Variants in CFAP61 observed in about 807,000 individuals in gnomAD.
CFAP61 encodes the protein cilia- and flagella-associated protein 61.
In CFAP61, 107 loss-of-function variants were observed where a neutral mutation model predicts 135.6. That is an observed-to-expected ratio of 0.79 (90% CI 0.67 to 0.93). The LOEUF is 0.93. Ranked by LOEUF, CFAP61 falls within the 40% of genes least tolerant of loss-of-function variation. CFAP61 has a pLI of 0.00. For synonymous variants in CFAP61, 575 were observed against 578.5 expected, an observed-to-expected ratio of 0.99 and a Z score of 0.09; for missense variants, 1,507 against 1,556.2, an observed-to-expected ratio of 0.97 and a Z score of 0.53.
chr20:20,312,575 A>T, intron 25 of CFAP61, among the ~76,000 whole-genome samples: 1 of 152,242 alleles, frequency 6.6e-6, no homozygotes, highest in Admixed American at 6.5e-5. Context: ...AATTTGATGA[A>T]AACTCACAAA....
chr20:20,076,209 G>A (rs984184830), intron 6 of CFAP61, among the ~76,000 whole-genome samples: 8 of 152,214 alleles, frequency 5.3e-5, no homozygotes, highest in Non-Finnish European at 2.9e-5. Flanking sequence ...GGTTGTGACT[G>A]CTTTGACCAG....
chr20:20,105,746 C>T (rs1026492684), intron 8 of CFAP61, among the ~76,000 whole-genome samples: 2 of 151,586 alleles, frequency 1.3e-5, no homozygotes, highest in Non-Finnish European at 2.9e-5. Flanking sequence ...ATTCTCCTGC[C>T]TCAGCCTCCC....
Position 20,087,162 on chromosome 20 carries a change from G to C in CFAP61, c.567-3682G>C, listed in dbSNP as rs1193899265. ...AATTTCAATTTTTATTTTAGATTTA[G>C]GGGGTACATGTGCAGGTTTGTTACC... is the stretch of plus-strand genomic sequence containing the variant. On this transcript the variant is annotated intron_variant, in intron 6 of 26. Transcript: ENST00000245957. 2.0e-5 allele frequency among the ~76,000 whole-genome samples: 3 copies of C among 152,096 alleles called. No homozygotes were observed. In the South Asian group the frequency reaches 6.2e-4, roughly 32 times the overall value.
chr20:20,101,143 TCAA>T (rs1326646278), intron 8 of CFAP61, among the ~76,000 whole-genome samples: 7 of 152,194 alleles, frequency 4.6e-5, no homozygotes, highest in African/African-American at 1.4e-4. Context: ...CATCTTCCTA[TCAA>T]CAACAACAAA....
At chr20:20,081,806 T>A (rs2046451601) in intron 6 of CFAP61, among the ~76,000 whole-genome samples, 1 of 152,132 alleles carries the variant, frequency 6.6e-6, no homozygotes, top group South Asian at 2.1e-4. Context: ...ATAGAAAATC[T>A]GAAAGAAGCA....
At position 20,199,742 on chromosome 20, in the gene CFAP61, C is replaced by T. The variant is rs149917764; in HGVS notation, c.1798-26C>T. On this transcript the variant is annotated intron_variant, in intron 16 of 26. Coordinates refer to ENST00000245957, the MANE Select transcript of CFAP61 (RefSeq NM_015585.4). ...CTGAGCCTCTCTGACATTCTCTCCC[C>T]TAAAATATAGATTGCTGTCTTTCAG... is the stretch of plus-strand genomic sequence containing the variant. The T allele has an allele frequency of 2.2e-5, 36 of 1,613,564 alleles. No homozygotes were observed. The East Asian group carries it at 7.4e-4, about 33-fold the overall frequency.
intron 13 of CFAP61, among the ~76,000 whole-genome samples, chr20:20,181,205 G>GCA (rs1235877083): frequency 7.5e-6 from 1 of 132,660 alleles, no homozygotes; most frequent in Non-Finnish European, 1.6e-5. Context: ...GTATATATAT[G>GCA]TATATATACA....
intron 10 of CFAP61, among the ~76,000 whole-genome samples, chr20:20,163,738 A>C (rs1009956720): frequency 2.0e-5 from 3 of 152,070 alleles, no homozygotes; most frequent in African/African-American, 7.2e-5. Context: ...CCCTGCCTGC[A>C]TTAGGTGTTT....
chr20:20,089,548 AAC>A (rs1211205771), intron 6 of CFAP61, among the ~76,000 whole-genome samples: 1 of 151,870 alleles, frequency 6.6e-6, no homozygotes, highest in Non-Finnish European at 1.5e-5. Flanking sequence ...AGAAAAAAAT[AAC>A]ACAATGCTGA....
chr20:20,146,826 G>C (rs983894757), intron 9 of CFAP61, among the ~76,000 whole-genome samples: 5 of 152,112 alleles, frequency 3.3e-5, no homozygotes, highest in Non-Finnish European at 2.9e-5. Flanking sequence ...AAGTTCTTTA[G>C]TGGTGATTTC....
In CFAP61 at chr20:20,080,362, T is replaced by G. The variant is rs530641072; in HGVS notation, c.566+4747T>G. Among the ~76,000 whole-genome samples, 12 of 152,340 alleles carry G rather than the reference T, an allele frequency of 7.9e-5. No homozygotes were observed. The South Asian group carries it at 2.5e-3, about 32-fold the overall frequency. On this transcript the variant is annotated intron_variant, in intron 6 of 26. Transcript: ENST00000245957. ...TTCTTTTCTGATGGTGCCTGGTCCA[T>G]GATGGCCTAACCATCATGTAGCTCT...
chr20:20,279,670 G>C (rs6075637), intron 22 of CFAP61, among the ~76,000 whole-genome samples: 1 of 151,958 alleles, frequency 6.6e-6, no homozygotes, highest in Non-Finnish European at 1.5e-5. Context: ...AGGGTCAGCT[G>C]TAACCTCAAC....
intron 9 of CFAP61, among the ~76,000 whole-genome samples, chr20:20,155,723 C>T (rs1056363236): frequency 6.6e-6 from 1 of 152,142 alleles, no homozygotes; most frequent in East Asian, 1.9e-4. Context: ...AATGGAATGT[C>T]ACCTTACTCC....
chr20:20,054,359 C>G lies in CFAP61; in HGVS notation c.-37+1768C>G, dbSNP rs570800641. Among the ~76,000 whole-genome samples, 11 of 151,642 alleles carry G rather than the reference C, an allele frequency of 7.3e-5. No individual in the cohort carries two copies. In the South Asian group the frequency reaches 2.3e-3, roughly 32 times the overall value. On this transcript the variant is annotated intron_variant, in intron 1 of 26. Coordinates refer to ENST00000245957, the MANE Select transcript of CFAP61 (RefSeq NM_015585.4). ...CTATGGGCCGTAGACTAAATTCAGC[C>G]CATTGACTATTTTGTATGGACTGTG...
At chr20:20,106,039 T>C (rs2048382432) in intron 8 of CFAP61, among the ~76,000 whole-genome samples, 2 of 80,340 alleles carry the variant, frequency 2.5e-5, no homozygotes, top group East Asian at 2.9e-4. Flanking sequence ...TATATATATA[T>C]ATATATATAT....
chr20:20,236,114 T>C (rs932203947), intron 18 of CFAP61, among the ~76,000 whole-genome samples: 3 of 152,070 alleles, frequency 2.0e-5, no homozygotes, highest in African/African-American at 4.8e-5. Flanking sequence ...GATTTTAGGG[T>C]TAATATTAAG....
intron 17 of CFAP61, among the ~76,000 whole-genome samples, chr20:20,214,092 T>C (rs991743703): frequency 2.0e-5 from 3 of 152,216 alleles, no homozygotes; most frequent in African/African-American, 7.2e-5. Context: ...GCTAGAACCC[T>C]AGGAAATATT....
chr20:20,155,045 C>CA (rs1441795517), intron 9 of CFAP61, among the ~76,000 whole-genome samples: 1 of 151,968 alleles, frequency 6.6e-6, no homozygotes, highest in Admixed American at 6.6e-5. Flanking sequence ...CTATAGTTAC[C>CA]AAAAAAGCAT....
chr20:20,357,897 A>C (rs374927521), intron 26 of CFAP61, among the ~76,000 whole-genome samples: 1 of 110,192 alleles, frequency 9.1e-6, no homozygotes, highest in Non-Finnish European at 1.9e-5. Context: ...TCATAGTGTG[A>C]GGGGAGGTGG....
Sources: allele counts gnomAD v4.1 joint callset (sites outside exome capture counted in the v4.1 genomes callset), GRCh38; gene constraint gnomAD v4.1.1; transcripts MANE v1.5; gene names NCBI Gene and HGNC (gene_info 2026-07-23, HGNC 2026-07-21).